The following INPP5A variants were observed in gnomAD, a reference collection of about 807,000 sequenced individuals.
The protein encoded by INPP5A is 43 kDa inositol polyphosphate 5-phophatase.
In INPP5A, 14 loss-of-function variants were observed where a neutral mutation model predicts 65.2. The observed-to-expected ratio is 0.21, with a 90% CI of 0.14 to 0.34. The LOEUF is 0.34. INPP5A is among the 10% of genes least tolerant of loss of function. INPP5A has a pLI of 1.00. For synonymous variants in INPP5A, 207 were observed against 208.3 expected, an observed-to-expected ratio of 0.99 and a Z score of 0.05; for missense variants, 431 against 545.6, an observed-to-expected ratio of 0.79 and a Z score of 2.09.
At chr10:132,648,492 A>C (rs1275994470) in intron 3 of INPP5A, among the ~76,000 whole-genome samples, 1 of 152,298 alleles carries the variant, frequency 6.6e-6, no homozygotes, top group Non-Finnish European at 1.5e-5. Flanking sequence ...TTTTGTGTGG[A>C]TTCTGCTTTT....
chr10:132,760,266 G>A (rs1846708473), intron 11 of INPP5A, among the ~76,000 whole-genome samples: 6 of 152,208 alleles, frequency 3.9e-5, no homozygotes, highest in Admixed American at 3.9e-4. Context: ...GACAGGCACA[G>A]GGCCAGCACC....
rs942248851 is a variant in INPP5A at position 132,549,330 on chromosome 10, C to T, written c.75+11159C>T. On this transcript the variant is annotated intron_variant, in intron 1 of 15. Coordinates refer to ENST00000368594, the MANE Select transcript of INPP5A (RefSeq NM_005539.5). This position sits in a 1 kb window ranked among gnomAD's most constrained non-coding sequence, Gnocchi z 4.9. ...AGTTGCTGCCCCATTCGTGCCCCGT[C>T]GAGTGGTGTGGAAGGACTCTAGCTC... Among the ~76,000 whole-genome samples the T allele has an allele frequency of 6.6e-6, 1 of 152,168 alleles. No individual in the cohort carries two copies. The highest frequency in any genetic ancestry group is 1.5e-5 in the Non-Finnish European group (1 of 68,028).
In INPP5A at chr10:132,555,274, G is replaced by A. The variant is rs1202121150; in HGVS notation, c.75+17103G>A. Among the ~76,000 whole-genome samples the A allele has an allele frequency of 6.6e-6, 1 of 152,182 alleles. No individual in the cohort carries two copies. Among genetic ancestry groups the A allele is most frequent in the East Asian group, 1.9e-4 (1 of 5,184 alleles). ...TTCCTTCACCGTGCTGGGGAAGGGC[G>A]CTCCTGATCCCTCTGTGAGACCAGT... On this transcript the variant is annotated intron_variant, in intron 1 of 15. Coordinates refer to ENST00000368594, the MANE Select transcript of INPP5A (RefSeq NM_005539.5). The surrounding 1 kb of genome is among the most constrained non-coding windows in gnomAD (Gnocchi z 4.4).
chr10:132,725,100 A>AT (rs111575172), intron 8 of INPP5A, among the ~76,000 whole-genome samples: 12,522 of 152,332 alleles, frequency 0.082, 1,002 homozygotes, highest in African/African-American at 0.21. Context: ...GGCCCCTGGA[A>AT]TCAAAGAGAA....
At chr10:132,756,307 G>A (rs1207102760) in intron 11 of INPP5A, among the ~76,000 whole-genome samples, 1 of 152,140 alleles carries the variant, frequency 6.6e-6, no homozygotes, top group Non-Finnish European at 1.5e-5. Context: ...TGTGTGTGGT[G>A]TATGTGTGTA....
chr10:132,642,776 C>T (rs1317051600), intron 2 of INPP5A, among the ~76,000 whole-genome samples: 2 of 152,168 alleles, frequency 1.3e-5, no homozygotes, highest in East Asian at 3.8e-4. Context: ...GACTTCTGAC[C>T]CAACTGTCCA....
intron 13 of INPP5A, among the ~76,000 whole-genome samples, chr10:132,778,553 T>A (rs941850979): frequency 6.6e-6 from 1 of 152,118 alleles, no homozygotes; most frequent in Non-Finnish European, 1.5e-5. Flanking sequence ...ACCCCGTGAA[T>A]GAAAATTAAA....
At chr10:132,596,900 C>G in intron 1 of INPP5A, among the ~76,000 whole-genome samples, 1 of 121,298 alleles carries the variant, frequency 8.2e-6, no homozygotes, top group East Asian at 2.6e-4. Context: ...TTTGGAGGCT[C>G]CTGTGCATGT....
intron 8 of INPP5A, among the ~76,000 whole-genome samples, chr10:132,726,219 C>A (rs1219807264): frequency 1.3e-5 from 2 of 152,204 alleles, no homozygotes; most frequent in African/African-American, 4.8e-5. Flanking sequence ...CGTATGCAGC[C>A]ACTGTTACCC....
intron 1 of INPP5A, among the ~76,000 whole-genome samples, chr10:132,582,560 G>C (rs1267117206): frequency 6.6e-6 from 1 of 152,022 alleles, no homozygotes; most frequent in Non-Finnish European, 1.5e-5. Flanking sequence ...TGGGACTAAA[G>C]GCATGCGCCA....
At chr10:132,662,545 A>G (rs576428508) in intron 4 of INPP5A, among the ~76,000 whole-genome samples, 2 of 152,366 alleles carry the variant, frequency 1.3e-5, no homozygotes, top group South Asian at 4.1e-4. Context: ...AAAAATGCAA[A>G]CAAGTCTGTA....
In INPP5A at chr10:132,565,147, G is replaced by T. The variant is rs149785796; in HGVS notation, c.75+26976G>T. On this transcript the variant is annotated intron_variant, in intron 1 of 15. Coordinates refer to ENST00000368594, the MANE Select transcript of INPP5A (RefSeq NM_005539.5). Reference sequence around the variant, plus strand: ...GTTTTCGAGTCAAGGTCTCAGCTCTGTTGTCCAGGCTGGTGTGCATGGCAT... The same window carrying T: ...GTTTTCGAGTCAAGGTCTCAGCTCTTTTGTCCAGGCTGGTGTGCATGGCAT... Among the ~76,000 whole-genome samples, 202 of 152,316 alleles carry T rather than the reference G, an allele frequency of 1.3e-3. 1 individual carries two copies. Among genetic ancestry groups the T allele is most frequent in the Non-Finnish European group, 2.2e-3 (152 of 68,028 alleles).
intron 1 of INPP5A, among the ~76,000 whole-genome samples, chr10:132,601,398 T>G (rs1408018406): frequency 6.6e-6 from 1 of 152,250 alleles, no homozygotes; most frequent in Non-Finnish European, 1.5e-5. Context: ...TTCTGAATAT[T>G]AACCCGTTAG....
At position 132,753,865 on chromosome 10, in the gene INPP5A, G is replaced by A. The variant is rs1272676153; in HGVS notation, c.903+4020G>A. 1.3e-5 allele frequency: 2 copies of A among 152,182 alleles called. No individual in the cohort carries two copies. 9.4% of individuals were successfully genotyped at this position (152,182 alleles called of 1,614,324 possible). ...GCCGCTGCCTTGTCATTGTCCACAC[G>A]GCCCTGCCTGCCTTCACTTTGTAAT... On this transcript the variant is annotated intron_variant, in intron 11 of 15. Transcript: ENST00000368594. The surrounding 1 kb of genome is among the most constrained non-coding windows in gnomAD (Gnocchi z 5.3).
intron 1 of INPP5A, among the ~76,000 whole-genome samples, chr10:132,578,861 G>T (rs1425629783): frequency 6.6e-6 from 1 of 152,154 alleles, no homozygotes; most frequent in Non-Finnish European, 1.5e-5. Context: ...CAGAGGGGCT[G>T]CGGCCGTAGT....
chr10:132,653,565 C>T (rs1453004240), intron 4 of INPP5A, among the ~76,000 whole-genome samples: 1 of 152,172 alleles, frequency 6.6e-6, no homozygotes, highest in Non-Finnish European at 1.5e-5. Flanking sequence ...AGTCTAGTTC[C>T]AGAAAGACCT....
At chr10:132,574,879 G>A (rs962329144) in intron 1 of INPP5A, among the ~76,000 whole-genome samples, 14 of 151,978 alleles carry the variant, frequency 9.2e-5, no homozygotes, top group Non-Finnish European at 1.8e-4. Flanking sequence ...AGAGCCTTCC[G>A]GAAGCTCTGG....
In INPP5A at chr10:132,727,056, T is replaced by C. The variant is rs958214446; in HGVS notation, c.732+151T>C. ...GGCAAAACCTTTCAATGAAGAAGCA[T>C]GTTTTGCTGTCGGCAGAGGGATCCG... On this transcript the variant is annotated intron_variant, in intron 9 of 15. Transcript: ENST00000368594. This position sits in a 1 kb window ranked among gnomAD's most constrained non-coding sequence, Gnocchi z 6.5. 2.0e-6 allele frequency: 1 copy of C among 508,252 alleles called. No individual in the cohort carries two copies. The highest frequency in any genetic ancestry group is 3.7e-5 in the Admixed American group (1 of 27,000). The allele number at this position is 508,252 out of a possible 1,614,324, so 31.5% of individuals were successfully genotyped here.
Position 132,705,853 on chromosome 10 carries a change from C to T in INPP5A, c.475-2460C>T, listed in dbSNP as rs992330247. Among the ~76,000 whole-genome samples the T allele has an allele frequency of 1.3e-5, 2 of 152,082 alleles. No individual in the cohort carries two copies. The highest frequency in any genetic ancestry group is 4.8e-5 in the African/African-American group (2 of 41,386). On this transcript the variant is annotated intron_variant, in intron 6 of 15. Coordinates refer to ENST00000368594, the MANE Select transcript of INPP5A (RefSeq NM_005539.5). The surrounding 1 kb of genome is among the most constrained non-coding windows in gnomAD (Gnocchi z 4.9). ...AACTGCACAGGTGAGGAGGGGGCGC[C>T]TCTCACTCCCCAGGAGACTGCAAAC...
Sources: gnomAD v4.1 joint callset for allele counts (sites outside exome capture counted in the v4.1 genomes callset) on GRCh38, gnomAD v4.1.1 for gene constraint, Gnocchi (gnomAD v3.1) non-coding constraint, MANE v1.5 for transcripts, NCBI Gene and HGNC (gene_info 2026-07-23, HGNC 2026-07-21) for gene names.